Variants in AP4E1 observed in about 807,000 individuals in gnomAD.
The protein encoded by AP4E1 is AP-4 complex subunit epsilon-1.
A neutral mutation model predicts 128.2 loss-of-function variants in AP4E1; 56 were observed. The observed-to-expected ratio is 0.44, with a 90% CI of 0.35 to 0.55. AP4E1 has a LOEUF of 0.55. Among genes scored for constraint, AP4E1 ranks in the 20% least tolerant of loss-of-function variants. The probability of loss-of-function intolerance (pLI) is 0.00; values close to 1 mark genes in which losing one functional copy is unlikely to be tolerated. For synonymous variants in AP4E1, 484 were observed against 473.1 expected (o/e 1.02, Z -0.30); for missense variants, 1,324 against 1,307.7 (o/e 1.01, Z -0.19).
rs541993634 is a variant in AP4E1 at position 50,909,789 on chromosome 15, G to C, written c.150+861G>C. On this transcript the variant is annotated intron_variant, in intron 1 of 20. Transcript: ENST00000261842. ...TACAAGCTCCGCCTTCCGGGTTCAC[G>C]CCATTCTCCTGCCTCAGCTTCCCGA... Among the ~76,000 whole-genome samples, 369 of 152,146 alleles carry C rather than the reference G, an allele frequency of 2.4e-3. 1 individual carries two copies. The highest frequency in any genetic ancestry group is 4.4e-3 in the Non-Finnish European group (296 of 68,006).
intron 6 of AP4E1, among the ~76,000 whole-genome samples, chr15:50,930,172 AT>A (rs1414870830): frequency 7.0e-6 from 1 of 143,200 alleles, no homozygotes; most frequent in African/African-American, 2.6e-5. Flanking sequence ...GGTTCAAGCG[AT>A]TCTCCTGCCT....
intron 19 of AP4E1, among the ~76,000 whole-genome samples, chr15:50,999,934 G>T (rs570404706): frequency 7.0e-6 from 1 of 143,272 alleles, no homozygotes; most frequent in African/African-American, 2.6e-5. Context: ...ATTATACTGG[G>T]CACTGTACAG....
Position 50,908,860 on chromosome 15 carries a change from G to A in AP4E1, c.82G>A (p.Ala28Thr). Reference sequence around the variant, plus strand: ...CCAGCCCGGTGGTGGGCCCGCGGCCGCCAAGGCGTCCTTCTCCTCGAGGCT... The same window carrying A: ...CCAGCCCGGTGGTGGGCCCGCGGCCACCAAGGCGTCCTTCTCCTCGAGGCT... ...QNQPGGGPAAAKASFSSRLGS... is the reference protein window; with the variant it reads ...QNQPGGGPAATKASFSSRLGS... The change falls in exon 1 of 21, where the codon GCC becomes ACC. Residue 28 changes from alanine to threonine, a missense_variant. Ala to Thr is a moderately conservative substitution (Grantham distance 58). Coordinates refer to ENST00000261842, the MANE Select transcript of AP4E1 (RefSeq NM_007347.5). The A allele has an allele frequency of 6.2e-7, 1 of 1,609,052 alleles. No homozygotes were observed. The highest frequency in any genetic ancestry group is 8.5e-7 in the Non-Finnish European group (1 of 1,178,676).
At chr15:50,919,804 C>T (rs921687055) in intron 3 of AP4E1, among the ~76,000 whole-genome samples, 2 of 151,590 alleles carry the variant, frequency 1.3e-5, no homozygotes, top group African/African-American at 2.4e-5. Flanking sequence ...GGGCTGGGCA[C>T]GGTGGCTAAT....
rs2064980092 is a variant in AP4E1 at position 51,002,729 on chromosome 15, G to A, written c.*67G>A. The A allele has an allele frequency of 6.3e-7, 1 of 1,577,830 alleles. No homozygotes were observed. ...TACATAGATAAACTTATTTACCAAA[G>A]TAAAAAGAACTCATGGTACTTCTAA... On this transcript the variant is annotated 3_prime_UTR_variant, in exon 21 of 21. Transcript: ENST00000261842.
At chr15:50,908,173 C>T (rs2063515636), upstream of AP4E1, among the ~76,000 whole-genome samples, 1 of 152,222 alleles carries the variant, frequency 6.6e-6, no homozygotes, top group Admixed American at 6.5e-5. Context: ...ACGCGACGGG[C>T]TCTCAACCTG....
intron 15 of AP4E1, among the ~76,000 whole-genome samples, chr15:50,970,441 C>G (rs1007048976): frequency 1.3e-5 from 2 of 152,150 alleles, no homozygotes; most frequent in Non-Finnish European, 2.9e-5. Flanking sequence ...CTAGATAATT[C>G]GTTCAATACT....
At chr15:50,949,354 A>C (rs1448634742) in intron 11 of AP4E1, among the ~76,000 whole-genome samples, 3 of 151,470 alleles carry the variant, frequency 2.0e-5, no homozygotes, top group Admixed American at 1.3e-4. Context: ...CGGAGGTCAC[A>C]GTGAACCGAG....
chr15:50,934,566 CTG>C (rs1397244524), intron 7 of AP4E1, 56 bp from the exon 8 acceptor site: 3 of 1,214,842 alleles, frequency 2.5e-6, no homozygotes, highest in African/African-American at 1.5e-5. Flanking sequence ...GTTTGAAAAA[CTG>C]TTTTATTGGG....
At chr15:50,927,587 G>C (rs1365990317) in intron 5 of AP4E1, among the ~76,000 whole-genome samples, 1 of 150,258 alleles carries the variant, frequency 6.7e-6, no homozygotes, top group African/African-American at 2.5e-5. Flanking sequence ...ACACGCAATG[G>C]CAATACACTG....
At chr15:50,986,737 G>A (rs1233794128) in intron 16 of AP4E1, among the ~76,000 whole-genome samples, 17 of 152,068 alleles carry the variant, frequency 1.1e-4, no homozygotes, top group Non-Finnish European at 2.4e-4. Context: ...TTTTTGCATC[G>A]ATGTTCATCA....
Position 50,948,175 on chromosome 15 carries a change from G to T in AP4E1, c.1316+16G>T. 3 of 1,613,070 alleles carry T rather than the reference G, an allele frequency of 1.9e-6. No homozygotes were observed. Among genetic ancestry groups the T allele is most frequent in the East Asian group, 2.2e-5 (1 of 44,764 alleles). On this transcript the variant is annotated intron_variant, in intron 11 of 20. Coordinates refer to ENST00000261842, the MANE Select transcript of AP4E1 (RefSeq NM_007347.5). Reference sequence around the variant, plus strand: ...TGGCTGAGAAATATCCTTTTATTTCGACCATGAGTCTTAAAATAGTTAGTT... The same window carrying T: ...TGGCTGAGAAATATCCTTTTATTTCTACCATGAGTCTTAAAATAGTTAGTT...
intron 14 of AP4E1, among the ~76,000 whole-genome samples, chr15:50,962,251 A>G (rs1333739352): frequency 6.6e-6 from 1 of 152,088 alleles, no homozygotes; most frequent in Non-Finnish European, 1.5e-5. Flanking sequence ...ACAGAAATAG[A>G]AAAAACAACC....
chr15:50,951,030 A>G (rs1309647391), intron 13 of AP4E1, among the ~76,000 whole-genome samples: 3 of 152,134 alleles, frequency 2.0e-5, no homozygotes. Flanking sequence ...TTGATAGGCT[A>G]TCTGTGCTAT....
intron 15 of AP4E1, among the ~76,000 whole-genome samples, chr15:50,970,941 C>T (rs528103279): frequency 1.3e-4 from 20 of 152,236 alleles, no homozygotes; most frequent in Admixed American, 1.3e-3. Flanking sequence ...TGCTTTGTTC[C>T]TTACTTCCTC....
chr15:50,972,882 T>A (rs2064500439), intron 15 of AP4E1, among the ~76,000 whole-genome samples: 1 of 152,210 alleles, frequency 6.6e-6, no homozygotes, highest in Non-Finnish European at 1.5e-5. Context: ...GGGATGTTTC[T>A]CTCACACAGG....
At chr15:50,946,048 TGAGAACTCTA>T (rs2064057750) in intron 10 of AP4E1, 1 of 759,288 alleles carries the variant, frequency 1.3e-6, no homozygotes, top group Admixed American at 2.5e-5. Flanking sequence ...ACTTTTGATT[TGAGAACTCTA>T]CAAATTAAAG....
chr15:50,977,637 G>C (rs1485705073), intron 15 of AP4E1, among the ~76,000 whole-genome samples: 3 of 151,136 alleles, frequency 2.0e-5, no homozygotes, highest in Non-Finnish European at 4.4e-5. Context: ...AAAATAAAGA[G>C]TAGGGGGAAA....
At chr15:50,972,685 T>C (rs932654293) in intron 15 of AP4E1, among the ~76,000 whole-genome samples, 12 of 152,224 alleles carry the variant, frequency 7.9e-5, no homozygotes, top group Non-Finnish European at 1.3e-4. Flanking sequence ...GGTTCTGGCT[T>C]ACTGAGGTTG....
Sources: gnomAD v4.1 joint callset for allele counts (sites outside exome capture counted in the v4.1 genomes callset) on GRCh38, gnomAD v4.1.1 for gene constraint, MANE v1.5 for transcripts, NCBI Gene and HGNC (gene_info 2026-07-23, HGNC 2026-07-21) for gene names.